SYN3: variants seen among roughly 807,000 people sequenced by gnomAD.
SYN3 encodes the protein synapsin III, also known as synapsin-3.
SYN3 carries 35 observed loss-of-function variants against 65.8 expected under a neutral mutation model. That is an observed-to-expected ratio of 0.53 (90% CI 0.41 to 0.70). The LOEUF (loss-of-function observed/expected upper bound fraction) is 0.70, where lower values mean the gene tolerates loss of function less well. Ranked by LOEUF, SYN3 falls within the 30% of genes least tolerant of loss-of-function variation. SYN3 has a pLI of 0.00. For missense variants in SYN3, 680 were observed against 749.0 expected (o/e 0.91, Z 1.08); for synonymous variants, 270 against 292.9 (o/e 0.92, Z 0.80).
At chr22:32,989,286 C>G (rs950059742) in intron 2 of SYN3, among the ~76,000 whole-genome samples, 1 of 152,080 alleles carries the variant, frequency 6.6e-6, no homozygotes, top group African/African-American at 2.4e-5. Flanking sequence ...TGAATGATAC[C>G]CCTGACACAT....
At chr22:32,527,330 A>G (rs892220971) in intron 12 of SYN3, among the ~76,000 whole-genome samples, 2 of 152,134 alleles carry the variant, frequency 1.3e-5, no homozygotes, top group Non-Finnish European at 1.5e-5. Context: ...CGCAGTAGAA[A>G]GGCTCACGCC....
intron 6 of SYN3, among the ~76,000 whole-genome samples, chr22:32,761,486 G>C (rs369180331): frequency 1.3e-5 from 2 of 152,304 alleles, no homozygotes; most frequent in East Asian, 1.9e-4. Flanking sequence ...GGAAGGGAGT[G>C]GGGGGACAAC....
intron 6 of SYN3, among the ~76,000 whole-genome samples, chr22:32,715,591 C>G (rs1421113471): frequency 6.6e-6 from 1 of 151,910 alleles, no homozygotes; most frequent in Non-Finnish European, 1.5e-5. Flanking sequence ...CTAGCCTGGC[C>G]AAGATGGTGA....
At chr22:32,715,437 G>A (rs570402043) in intron 6 of SYN3, among the ~76,000 whole-genome samples, 1 of 152,296 alleles carries the variant, frequency 6.6e-6, no homozygotes, top group Admixed American at 6.5e-5. Context: ...GTGAAATAAC[G>A]TAAATATTTG....
chr22:32,510,984 C>CGTGTGT lies in SYN3; in HGVS notation c.*2702_*2707dup, dbSNP rs111308299. Among the ~76,000 whole-genome samples the CGTGTGT allele has an allele frequency of 7.2e-3, 1,024 of 143,014 alleles. 12 individuals carry two copies. The highest frequency in any genetic ancestry group is 0.022 in the African/African-American group (873 of 39,370). The allele number at this position is 143,014 out of a possible 152,430, so 93.8% of individuals were successfully genotyped here. A position where few individuals can be genotyped will look rare whatever the true frequency, so the allele number is the denominator to read the frequency against. ...TGTCAATTCCAAGTTATTGTCCAGG[C>CGTGTGT]GTGTGTGTGTGTGTGTGTGTGTGTG... On this transcript the variant is annotated 3_prime_UTR_variant, in exon 14 of 14. Transcript: ENST00000358763.
At chr22:33,040,503 A>G (rs905930619) in intron 1 of SYN3, among the ~76,000 whole-genome samples, 2 of 151,962 alleles carry the variant, frequency 1.3e-5, no homozygotes, top group Admixed American at 6.6e-5. Flanking sequence ...TGACTGTCAC[A>G]TTTTTTTCAA....
intron 6 of SYN3, among the ~76,000 whole-genome samples, chr22:32,775,429 T>C (rs2045885179): frequency 6.6e-6 from 1 of 152,176 alleles, no homozygotes; most frequent in African/African-American, 2.4e-5. Flanking sequence ...AAGAGAGTGG[T>C]GACCTGGTCC....
chr22:33,047,247 T>C (rs917253433), intron 1 of SYN3, among the ~76,000 whole-genome samples: 1 of 152,228 alleles, frequency 6.6e-6, no homozygotes, highest in Non-Finnish European at 1.5e-5. Flanking sequence ...GGTAACCTTA[T>C]CTGTACTAGT....
chr22:32,746,130 C>T (rs576649256), intron 6 of SYN3, among the ~76,000 whole-genome samples: 1 of 152,280 alleles, frequency 6.6e-6, no homozygotes, highest in African/African-American at 2.4e-5. Flanking sequence ...GGTCAGTTCA[C>T]AGAGTTGCTA....
intron 6 of SYN3, among the ~76,000 whole-genome samples, chr22:32,851,437 G>A (rs942475264): frequency 6.6e-6 from 1 of 152,086 alleles, no homozygotes; most frequent in Non-Finnish European, 1.5e-5. Flanking sequence ...ACGGGTGGTT[G>A]TTTAGAGACC....
At position 32,538,167 on chromosome 22, in the gene SYN3, T is replaced by C. The variant is rs1452145695; in HGVS notation, c.918-57A>G. The C allele has an allele frequency of 9.8e-6, 15 of 1,527,064 alleles. No individual in the cohort carries two copies. The East Asian group carries it at 3.2e-4, about 32-fold the overall frequency. The allele number at this position is 1,527,064 out of a possible 1,614,324, so 94.6% of individuals were successfully genotyped here. On this transcript the variant is annotated intron_variant, in intron 8 of 13. Transcript: ENST00000358763. ...TTAGGGACCCTCGTCACTGATCTGC[T>C]TTCCTTCTTTGCTTTGGCTGTTAGG...
At chr22:32,541,178 AC>A (rs1375259403) in intron 8 of SYN3, among the ~76,000 whole-genome samples, 5 of 152,164 alleles carry the variant, frequency 3.3e-5, no homozygotes, top group Admixed American at 1.3e-4. Flanking sequence ...CCTCATGGTC[AC>A]CTTTTTATAA....
intron 6 of SYN3, among the ~76,000 whole-genome samples, chr22:32,627,034 A>T (rs986691095): frequency 6.6e-6 from 1 of 152,248 alleles, no homozygotes; most frequent in African/African-American, 2.4e-5. Context: ...ACAGAGTCTC[A>T]GTTCCCATGG....
intron 12 of SYN3, among the ~76,000 whole-genome samples, chr22:32,519,135 T>C (rs1339461423): frequency 6.6e-6 from 1 of 152,132 alleles, no homozygotes; most frequent in African/African-American, 2.4e-5. Context: ...AAACATCTGT[T>C]GTTTAAGGCC....
intron 6 of SYN3, among the ~76,000 whole-genome samples, chr22:32,711,376 A>T (rs188758176): frequency 6.6e-6 from 1 of 152,242 alleles, no homozygotes; most frequent in East Asian, 1.9e-4. Flanking sequence ...ATCAGTTAGC[A>T]GTGAGAAATA....
intron 6 of SYN3, among the ~76,000 whole-genome samples, chr22:32,672,203 A>G (rs926650881): frequency 6.6e-6 from 1 of 152,238 alleles, no homozygotes; most frequent in Admixed American, 6.5e-5. Flanking sequence ...CATTTATTAA[A>G]AAAAGGTCTG....
At chr22:32,637,134 A>G (rs2059827882) in intron 6 of SYN3, among the ~76,000 whole-genome samples, 1 of 152,182 alleles carries the variant, frequency 6.6e-6, no homozygotes, top group Non-Finnish European at 1.5e-5. Context: ...AGGGAGGAAG[A>G]CGGTTGTGCC....
intron 7 of SYN3, among the ~76,000 whole-genome samples, chr22:32,584,416 G>C (rs975556403): frequency 6.6e-6 from 1 of 152,194 alleles, no homozygotes; most frequent in Non-Finnish European, 1.5e-5. Flanking sequence ...ACCCCACCGG[G>C]TGATGTGTGC....
At chr22:32,974,352 A>C (rs1430315519) in intron 3 of SYN3, among the ~76,000 whole-genome samples, 3 of 152,188 alleles carry the variant, frequency 2.0e-5, no homozygotes, top group Middle Eastern at 3.2e-3. Context: ...AACAGTGCCT[A>C]CTTCACCCAT....
Sources: allele counts gnomAD v4.1 joint callset (sites outside exome capture counted in the v4.1 genomes callset), GRCh38; gene constraint gnomAD v4.1.1; transcripts MANE v1.5; gene names NCBI Gene and HGNC (gene_info 2026-07-23, HGNC 2026-07-21).